DGKG: variants seen among roughly 807,000 people sequenced by gnomAD.
DGKG encodes the protein DAG kinase gamma.
A neutral mutation model predicts 105.3 loss-of-function variants in DGKG; 78 were observed. The observed-to-expected ratio is 0.74, with a 90% CI of 0.62 to 0.89. The LOEUF (loss-of-function observed/expected upper bound fraction) is 0.89. DGKG is among the 40% of genes least tolerant of loss of function. DGKG has a pLI of 0.00. For missense variants in DGKG, 958 were observed against 1,020.1 expected (o/e 0.94, Z 0.83); for synonymous variants, 346 against 367.1 (o/e 0.94, Z 0.66).
chr3:186,279,832 C>G lies in DGKG; in HGVS notation c.792+19G>C, dbSNP rs755315570. ...TCCTGAATGGCAAGAGATCTCTGAA[C>G]TCCAGCTTGTTGACTTACAGAGTCA... On this transcript the variant is annotated intron_variant, in intron 9 of 24. Coordinates refer to ENST00000265022, the MANE Select transcript of DGKG (RefSeq NM_001346.3). 1.9e-6 allele frequency: 3 copies of G among 1,610,942 alleles called. No individual in the cohort carries two copies. In the South Asian group the frequency reaches 3.3e-5, roughly 18 times the overall value.
At chr3:186,288,924 A>T (rs369119481) in intron 5 of DGKG, 44 bp from the exon 6 acceptor site, 7 of 1,502,782 alleles carry the variant, frequency 4.7e-6, no homozygotes, top group Non-Finnish European at 6.2e-6. Flanking sequence ...TTTTCTGTTT[A>T]GTAAATATTA....
intron 20 of DGKG, among the ~76,000 whole-genome samples, chr3:186,222,049 T>C (rs1400967061): frequency 1.3e-5 from 2 of 152,228 alleles, no homozygotes; most frequent in Non-Finnish European, 2.9e-5. Context: ...CTATGGTGGC[T>C]ATTTGTAGAC....
At chr3:186,252,647 T>C (rs529165444) in intron 18 of DGKG, among the ~76,000 whole-genome samples, 6 of 152,200 alleles carry the variant, frequency 3.9e-5, no homozygotes, top group Non-Finnish European at 8.8e-5. Flanking sequence ...GGTAAGTAAC[T>C]GGAGATGTAG....
Position 186,152,003 on chromosome 3 carries a change from C to A in DGKG, c.2278-1815G>T, listed in dbSNP as rs538972857. Among the ~76,000 whole-genome samples, 313 of 152,106 alleles carry A rather than the reference C, an allele frequency of 2.1e-3. 1 individual carries two copies. Among genetic ancestry groups the A allele is most frequent in the African/African-American group, 7.3e-3 (301 of 41,482 alleles). ...CTGAGGTAGGAGAATCACTTGAACC[C>A]GGGAGGCGGAGGTTGTGGTGAGCCA... On this transcript the variant is annotated intron_variant, in intron 24 of 24. Transcript: ENST00000265022.
chr3:186,287,627 G>C (rs1723130452), intron 6 of DGKG, among the ~76,000 whole-genome samples: 1 of 152,200 alleles, frequency 6.6e-6, no homozygotes, highest in Non-Finnish European at 1.5e-5. Flanking sequence ...CCAGCTAAAT[G>C]CTGGAAATAA....
At chr3:186,183,995 T>A (rs116661913) in intron 22 of DGKG, among the ~76,000 whole-genome samples, 1 of 152,200 alleles carries the variant, frequency 6.6e-6, no homozygotes, top group African/African-American at 2.4e-5. Flanking sequence ...TGAGCCACCA[T>A]GCCCGGCTGA....
intron 22 of DGKG, among the ~76,000 whole-genome samples, chr3:186,181,258 C>T (rs1181299710): frequency 2.0e-5 from 3 of 152,290 alleles, no homozygotes; most frequent in South Asian, 2.1e-4. Context: ...GTGCCTGGCA[C>T]GTGGTGGGGG....
At chr3:186,333,535 GA>G (rs1725695415) in intron 1 of DGKG, among the ~76,000 whole-genome samples, 1 of 152,142 alleles carries the variant, frequency 6.6e-6, no homozygotes, top group African/African-American at 2.4e-5. Context: ...ATTCCCTGCA[GA>G]ATTTTCCTTT....
At chr3:186,207,209 A>G (rs1718789428) in intron 21 of DGKG, among the ~76,000 whole-genome samples, 2 of 152,234 alleles carry the variant, frequency 1.3e-5, no homozygotes, top group African/African-American at 4.8e-5. Context: ...GACAAATGGA[A>G]AAAATTATTT....
chr3:186,339,446 G>T (rs1197772272), intron 1 of DGKG, among the ~76,000 whole-genome samples: 1 of 152,202 alleles, frequency 6.6e-6, no homozygotes, highest in Non-Finnish European at 1.5e-5. Context: ...CCACCGGAGA[G>T]AGGAACTACT....
At chr3:186,188,605 G>A (rs1480635810) in intron 21 of DGKG, among the ~76,000 whole-genome samples, 3 of 152,208 alleles carry the variant, frequency 2.0e-5, no homozygotes, top group East Asian at 1.9e-4. Context: ...GGTCAGCTCC[G>A]GGGAATACAG....
intron 20 of DGKG, among the ~76,000 whole-genome samples, chr3:186,222,899 AC>A (rs1719658279): frequency 1.3e-5 from 2 of 149,820 alleles, no homozygotes; most frequent in Admixed American, 1.3e-4. Context: ...AATTGCTTGA[AC>A]CTGGGAGGCA....
chr3:186,194,707 G>A (rs1423520743), intron 21 of DGKG, among the ~76,000 whole-genome samples: 1 of 148,832 alleles, frequency 6.7e-6, no homozygotes, highest in Non-Finnish European at 1.5e-5. Context: ...CGGGAGGCAT[G>A]TGTCCCCTTT....
chr3:186,210,067 A>T lies in DGKG; in HGVS notation c.1917+1728T>A, dbSNP rs909930386. Among the ~76,000 whole-genome samples the T allele has an allele frequency of 1.3e-5, 2 of 152,134 alleles. No homozygotes were observed. Among genetic ancestry groups the T allele is most frequent in the Non-Finnish European group, 1.5e-5 (1 of 68,014 alleles). ...AGCAACGAGGCCCCCTCTGCGGTTG[A>T]GGAAGAGCCTCTGTCTCTCAAACCC... is the stretch of plus-strand genomic sequence containing the variant. On this transcript the variant is annotated intron_variant, in intron 21 of 24. Coordinates refer to ENST00000265022, the MANE Select transcript of DGKG (RefSeq NM_001346.3). This position sits in a 1 kb window ranked among gnomAD's most constrained non-coding sequence, Gnocchi z 5.2.
chr3:186,273,728 C>A (rs1350828772), intron 10 of DGKG, among the ~76,000 whole-genome samples: 7 of 152,138 alleles, frequency 4.6e-5, no homozygotes, highest in Non-Finnish European at 1.0e-4. Flanking sequence ...GCGGGCCCAG[C>A]TCTGCCAAGG....
At chr3:186,313,629 A>T in intron 2 of DGKG, 1 of 473,712 alleles carries the variant, frequency 2.1e-6, no homozygotes, top group Non-Finnish European at 2.8e-6. Flanking sequence ...GATTCTCAGC[A>T]GTACCCCAGA....
chr3:186,318,844 C>T (rs1724941925), intron 2 of DGKG, among the ~76,000 whole-genome samples: 1 of 152,180 alleles, frequency 6.6e-6, no homozygotes, highest in East Asian at 1.9e-4. Flanking sequence ...TGGATTGAAC[C>T]AAATAGCAAA....
intron 1 of DGKG, among the ~76,000 whole-genome samples, chr3:186,341,704 GAC>G (rs1241418100): frequency 1.3e-5 from 2 of 152,042 alleles, no homozygotes; most frequent in Non-Finnish European, 2.9e-5. Context: ...TTGATATAAA[GAC>G]ACATGCACAC....
intron 20 of DGKG, among the ~76,000 whole-genome samples, chr3:186,220,444 G>A (rs1041968471): frequency 2.6e-5 from 4 of 152,092 alleles, no homozygotes; most frequent in Non-Finnish European, 5.9e-5. Flanking sequence ...TACAAACCCC[G>A]TCTTCCAGCC....
Sources: gnomAD v4.1 joint callset for allele counts (sites outside exome capture counted in the v4.1 genomes callset) on GRCh38, gnomAD v4.1.1 for gene constraint, Gnocchi (gnomAD v3.1) non-coding constraint, MANE v1.5 for transcripts, NCBI Gene and HGNC (gene_info 2026-07-23, HGNC 2026-07-21) for gene names.